PCBP3: variants seen among roughly 807,000 people sequenced by gnomAD.
PCBP3 encodes the protein poly(rC)-binding protein 3.
A neutral mutation model predicts 52.7 loss-of-function variants in PCBP3; 25 were observed. The ratio of observed to expected loss-of-function variants is 0.47; its 90% CI spans 0.35 to 0.66. The LOEUF (loss-of-function observed/expected upper bound fraction) is 0.66. PCBP3 is among the 30% of genes least tolerant of loss of function. The pLI, the probability that PCBP3 is intolerant of heterozygous loss-of-function variation, is 0.01. For missense variants in PCBP3, 391 were observed against 490.3 expected (o/e 0.80, Z 1.91); for synonymous variants, 162 against 183.0 (o/e 0.89, Z 0.93).
chr21:45,899,750 C>A, intron 7 of PCBP3, 128 bp downstream of exon 7: 1 of 695,148 alleles, frequency 1.4e-6, no homozygotes, highest in Non-Finnish European at 2.6e-6. Context: ...GGTCTGTGTT[C>A]CATGAAGACA....
At chr21:45,895,358 T>C (rs571372366) in intron 5 of PCBP3, among the ~76,000 whole-genome samples, 2 of 152,326 alleles carry the variant, frequency 1.3e-5, no homozygotes, top group South Asian at 2.1e-4. Flanking sequence ...CAGGTTTCTG[T>C]TCCTGGTGGG....
At chr21:45,927,053 AG>A (rs993889527) in intron 13 of PCBP3, among the ~76,000 whole-genome samples, 4 of 152,150 alleles carry the variant, frequency 2.6e-5, no homozygotes, top group Admixed American at 6.5e-5. Context: ...GAGATGAAAT[AG>A]AATGCAGGTT....
chr21:45,879,069 T>TC (rs956373044), intron 5 of PCBP3, among the ~76,000 whole-genome samples: 1 of 152,170 alleles, frequency 6.6e-6, no homozygotes, highest in Non-Finnish European at 1.5e-5. Flanking sequence ...CACTGCAGCC[T>TC]CCATCTCCCA....
chr21:45,730,852 T>G (rs546696815), intron 2 of PCBP3, among the ~76,000 whole-genome samples: 2 of 152,318 alleles, frequency 1.3e-5, no homozygotes, highest in East Asian at 3.9e-4. Context: ...CTCCACCTTT[T>G]TTTTATTAGA....
Position 45,817,509 on chromosome 21 carries a change from A to AT in PCBP3, c.-125-32450dup, listed in dbSNP as rs1185142530. Among the ~76,000 whole-genome samples the AT allele has an allele frequency of 6.6e-6, 1 of 152,172 alleles. No homozygotes were observed. Among genetic ancestry groups the AT allele is most frequent in the East Asian group, 1.9e-4 (1 of 5,192 alleles). On this transcript the variant is annotated intron_variant, in intron 4 of 17. Coordinates refer to ENST00000681687, the MANE Select transcript of PCBP3 (RefSeq NM_001384156.1). This position sits in a 1 kb window ranked among gnomAD's most constrained non-coding sequence, Gnocchi z 4.3. The stretch of plus-strand genomic sequence containing the variant: ...TGCCTCTGCTGTCCCCATCTCCCAT[A>AT]TTCCAGCTGCTGCCGCAGCCCCCAT...
At chr21:45,897,255 G>A (rs1037944565) in intron 6 of PCBP3, among the ~76,000 whole-genome samples, 3 of 152,198 alleles carry the variant, frequency 2.0e-5, no homozygotes, top group African/African-American at 4.8e-5. Context: ...ACACGGATGC[G>A]TTCCCACCAC....
chr21:45,770,049 GT>G (rs1158868936), intron 4 of PCBP3, among the ~76,000 whole-genome samples: 2 of 152,222 alleles, frequency 1.3e-5, no homozygotes, highest in Non-Finnish European at 2.9e-5. Flanking sequence ...ACAGGACATG[GT>G]GAACGCCGGG....
chr21:45,847,519 A>G (rs912365250), intron 4 of PCBP3, among the ~76,000 whole-genome samples: 2 of 152,210 alleles, frequency 1.3e-5, no homozygotes, highest in African/African-American at 4.8e-5. Context: ...GCCTGGAAAC[A>G]CAGTGTTCAT....
rs1229178717 is a variant in PCBP3 at position 45,910,927 on chromosome 21, C to T, written c.497C>T (p.Ala166Val). ...RESTGAQVQV[A>V]GDMLPNSTER... ...TCCACAGGTGCCCAGGTGCAGGTGG[C>T]TGGGGACATGCTGCCCAACTCCACG... The change falls in exon 11 of 18, where the codon GCT (alanine) becomes GTT (valine). Residue 166 changes from alanine (A) to valine (V), a missense_variant. Transcript: ENST00000681687. 2 of 1,610,058 alleles carry T rather than the reference C, an allele frequency of 1.2e-6. No individual in the cohort carries two copies. The highest frequency in any genetic ancestry group is 1.3e-5 in the African/African-American group (1 of 74,922).
At chr21:45,941,540 G>T (rs2077470372) in intron 17 of PCBP3, 130 bp from the exon 18 acceptor site, 2 of 730,348 alleles carry the variant, frequency 2.7e-6, no homozygotes, top group South Asian at 3.9e-5. Flanking sequence ...TCCAGCTCAG[G>T]ACCTCCTGAG....
chr21:45,815,432 T>TGAGG, intron 4 of PCBP3, among the ~76,000 whole-genome samples: 1 of 100,988 alleles, frequency 9.9e-6, no homozygotes, highest in African/African-American at 4.0e-5. Context: ...GAGTGGTGAG[T>TGAGG]GGTGAGTCAG....
intron 5 of PCBP3, among the ~76,000 whole-genome samples, chr21:45,877,848 C>T (rs1170000187): frequency 6.6e-6 from 1 of 152,184 alleles, no homozygotes; most frequent in Non-Finnish European, 1.5e-5. Flanking sequence ...AGTGGGGGTA[C>T]ACCCCCCTGC....
intron 5 of PCBP3, among the ~76,000 whole-genome samples, chr21:45,862,095 C>T (rs1322852590): frequency 6.7e-6 from 1 of 148,364 alleles, no homozygotes; most frequent in Non-Finnish European, 1.5e-5. Context: ...TTTTATGAGG[C>T]ACTGGTCCAT....
intron 5 of PCBP3, chr21:45,871,082 T>A (rs1406296366): frequency 5.9e-6 from 1 of 168,588 alleles, no homozygotes; most frequent in African/African-American, 2.7e-5. Flanking sequence ...AGGAAGGCAG[T>A]GCAGCCCAGT....
intron 1 of PCBP3, among the ~76,000 whole-genome samples, chr21:45,659,989 T>C (rs541182455): frequency 7.0e-4 from 106 of 152,310 alleles, no homozygotes; most frequent in African/African-American, 2.2e-3. Context: ...TTAAATCTTT[T>C]GTTTTCTTTC....
At chr21:45,809,172 A>G (rs922338752) in intron 4 of PCBP3, among the ~76,000 whole-genome samples, 2 of 152,236 alleles carry the variant, frequency 1.3e-5, no homozygotes, top group African/African-American at 2.4e-5. Context: ...CTTGTGTCCC[A>G]GAACTTAAAG....
chr21:45,926,679 T>C (rs2075455645), intron 13 of PCBP3, among the ~76,000 whole-genome samples: 1 of 152,194 alleles, frequency 6.6e-6, no homozygotes, highest in South Asian at 2.1e-4. Flanking sequence ...GTCAACCACG[T>C]GGGGAAATTG....
chr21:45,645,492 C>G (rs983624612), intron 1 of PCBP3, among the ~76,000 whole-genome samples: 1 of 152,146 alleles, frequency 6.6e-6, no homozygotes, highest in African/African-American at 2.4e-5. Context: ...ATCACTTTCC[C>G]AGATATCTTT....
At chr21:45,793,264 C>CA (rs1174800935) in intron 4 of PCBP3, among the ~76,000 whole-genome samples, 1 of 152,156 alleles carries the variant, frequency 6.6e-6, no homozygotes, top group East Asian at 1.9e-4. Flanking sequence ...GAATGGGCAG[C>CA]ATGAAGAGTT....
Sources: gnomAD v4.1 joint callset for allele counts (sites outside exome capture counted in the v4.1 genomes callset) on GRCh38, gnomAD v4.1.1 for gene constraint, Gnocchi (gnomAD v3.1) non-coding constraint, MANE v1.5 for transcripts, NCBI Gene and HGNC (gene_info 2026-07-23, HGNC 2026-07-21) for gene names.